FAR2: variants seen among roughly 807,000 people sequenced by gnomAD.
FAR2 encodes epididymis secretory protein Li 81.
Under a neutral mutation model 56.0 loss-of-function variants are expected in FAR2, and 19 were observed. That is an observed-to-expected ratio of 0.34 (90% CI 0.24 to 0.50). The LOEUF is 0.50. Ranked by LOEUF, FAR2 falls within the 20% of genes least tolerant of loss-of-function variation. The pLI is 0.98. For synonymous variants in FAR2, 219 were observed against 218.8 expected (o/e 1.00, Z -0.01); for missense variants, 508 against 642.2 (o/e 0.79, Z 2.26).
At chr12:29,267,270 A>G (rs1948533138) in intron 1 of FAR2, among the ~76,000 whole-genome samples, 1 of 152,246 alleles carries the variant, frequency 6.6e-6, no homozygotes, top group Non-Finnish European at 1.5e-5. Flanking sequence ...TTAAGAAGAA[A>G]AAATGTAAAA....
chr12:29,245,473 G>T (rs1320921284), intron 1 of FAR2, among the ~76,000 whole-genome samples: 2 of 152,154 alleles, frequency 1.3e-5, no homozygotes, highest in Non-Finnish European at 2.9e-5. Context: ...TCAGAATGGG[G>T]TTGGGCTTGG....
intron 11 of FAR2, 64 bp downstream of exon 11, chr12:29,332,791 A>C: frequency 6.9e-7 from 1 of 1,454,302 alleles, no homozygotes; most frequent in Non-Finnish European, 9.5e-7. Flanking sequence ...TATACCAGAC[A>C]TAACATTTGT....
In FAR2 at chr12:29,290,368, C is replaced by T. The variant is rs191490183; in HGVS notation, c.190-2932C>T. Among the ~76,000 whole-genome samples the T allele has an allele frequency of 1.1e-3, 173 of 152,000 alleles. 1 individual carries two copies. Among genetic ancestry groups the T allele is most frequent in the African/African-American group, 4.1e-3 (170 of 41,436 alleles). ...GGCTGAGGCAAGAGAATCACTTGAA[C>T]TCAGAAGGTGAAGGTTGTAGTGAGC... On this transcript the variant is annotated intron_variant, in intron 2 of 11. Transcript: ENST00000536681.
chr12:29,280,646 T>A (rs1386988010), intron 2 of FAR2: 2 of 152,222 alleles, frequency 1.3e-5, no homozygotes, highest in African/African-American at 4.8e-5. Flanking sequence ...TAGGTGTAAT[T>A]GGTAGAAGGC....
At chr12:29,317,493 C>A (rs534386943) in intron 9 of FAR2, among the ~76,000 whole-genome samples, 4 of 152,082 alleles carry the variant, frequency 2.6e-5, no homozygotes, top group Non-Finnish European at 5.9e-5. Context: ...GGATACTCGA[C>A]CTGTATAAGT....
chr12:29,294,817 A>C (rs1223819303), intron 3 of FAR2, among the ~76,000 whole-genome samples: 1 of 152,138 alleles, frequency 6.6e-6, no homozygotes. Context: ...TAGAAAGAGG[A>C]GTACGGGCCA....
intron 1 of FAR2, among the ~76,000 whole-genome samples, chr12:29,237,991 G>A (rs917812736): frequency 3.3e-5 from 5 of 152,088 alleles, no homozygotes; most frequent in African/African-American, 1.2e-4. Context: ...CATTATGCAT[G>A]GGTAAAATAT....
chr12:29,263,402 CA>C (rs1948457946), intron 1 of FAR2, among the ~76,000 whole-genome samples: 1 of 151,968 alleles, frequency 6.6e-6, no homozygotes, highest in Non-Finnish European at 1.5e-5. Flanking sequence ...TATTAGGTCA[CA>C]AAACAGGTCT....
intron 1 of FAR2, among the ~76,000 whole-genome samples, chr12:29,189,415 TCTCTGCCA>T (rs1162056076): frequency 2.6e-5 from 4 of 152,202 alleles, no homozygotes; most frequent in Non-Finnish European, 5.9e-5. Context: ...ACTATCTTAC[TCTCTGCCA>T]CTACAAGATG....
intron 1 of FAR2, among the ~76,000 whole-genome samples, chr12:29,224,243 T>C (rs1251494429): frequency 1.3e-5 from 2 of 152,114 alleles, no homozygotes; most frequent in Non-Finnish European, 2.9e-5. Flanking sequence ...GCTGAACTTT[T>C]TGGGGTTGAG....
In FAR2 at chr12:29,307,802, C is replaced by T. The variant is rs1456230196; in HGVS notation, c.690C>T (p.Ser230=). ...TGAACATTGCCATCATAAGGCCCTC[C>T]ATTGTGGGAGCAACTTGGCAGGAGC... ...RNLNIAIIRP[S]IVGATWQEPF... The change falls in exon 5 of 12, where the codon TCC becomes TCT. Residue 230 remains serine (S), a synonymous_variant. Transcript: ENST00000536681. 6.2e-7 allele frequency: 1 copy of T among 1,611,840 alleles called. No homozygotes were observed. The highest frequency in any genetic ancestry group is 8.5e-7 in the Non-Finnish European group (1 of 1,179,688).
chr12:29,248,000 G>A (rs1240095033), intron 1 of FAR2, among the ~76,000 whole-genome samples: 1 of 152,146 alleles, frequency 6.6e-6, no homozygotes, highest in African/African-American at 2.4e-5. Flanking sequence ...TCATTTGAAA[G>A]GATATCTCTA....
rs1948507244 is a variant in FAR2 at position 29,265,865 on chromosome 12, G to A, written c.-38-4547G>A. 2.6e-5 allele frequency among the ~76,000 whole-genome samples: 4 copies of A among 152,114 alleles called. No homozygotes were observed. The South Asian group carries it at 8.3e-4, about 32-fold the overall frequency. ...TAAAAATGGGTAAAAGATCAGAATA[G>A]ACATTTCCCAAAAGAAGACATACAA... On this transcript the variant is annotated intron_variant, in intron 1 of 11. Transcript: ENST00000536681.
chr12:29,311,949 G>T lies in FAR2; in HGVS notation c.954G>T (p.Met318Ile). The change falls in exon 8 of 12, where the codon ATG (methionine) becomes ATT (isoleucine). Residue 318 changes from methionine (M) to isoleucine (I), a missense_variant and splice_region_variant. Physicochemically the swap from Met to Ile is conservative, Grantham distance 10. Coordinates refer to ENST00000536681, the MANE Select transcript of FAR2 (RefSeq NM_001271783.2). ...TGAATCCCTGCAATTGGCACAAAAT[G>T]GGTAAGTACTTTAGCTATGTAACTC... The part of the protein sequence containing the change: ...GNMNPCNWHK[M>I]GVQVLATFEK... The T allele has an allele frequency of 3.1e-6, 5 of 1,606,880 alleles. No homozygotes were observed. The highest frequency in any genetic ancestry group is 4.3e-6 in the Non-Finnish European group (5 of 1,174,834).
chr12:29,170,775 T>C (rs1009092354), intron 1 of FAR2, among the ~76,000 whole-genome samples: 1 of 152,076 alleles, frequency 6.6e-6, no homozygotes, highest in African/African-American at 2.4e-5. Context: ...TCTCTCTGAC[T>C]TTCTCTTTCT....
intron 2 of FAR2, among the ~76,000 whole-genome samples, chr12:29,285,790 G>A (rs532128429): frequency 2.0e-5 from 3 of 152,026 alleles, no homozygotes; most frequent in Admixed American, 1.3e-4. Context: ...GTAGTGGCAC[G>A]TGCCTGTAGT....
In FAR2 at chr12:29,333,774, T is replaced by C. The variant is rs558758716; in HGVS notation, c.1528T>C (p.Ser510Pro). 37 of 1,613,692 alleles carry C rather than the reference T, an allele frequency of 2.3e-5. No homozygotes were observed. The highest frequency in any genetic ancestry group is 5.0e-5 in the Admixed American group (3 of 59,988). The change falls in exon 12 of 12, where the codon TCC becomes CCC. Residue 510 changes from serine (S) to proline (P), a missense_variant. Physicochemically the swap from Ser to Pro is moderately conservative, Grantham distance 74. Transcript: ENST00000536681. ...TAAATTCCTCTCCTACTTTAGAGCA[T>C]CCAGCACGCTCAAAGTTTAAGAGCA... is the stretch of plus-strand genomic sequence containing the variant. ...CYKFLSYFRA[S>P]STLKV
chr12:29,210,814 C>T (rs1007581881), intron 1 of FAR2, among the ~76,000 whole-genome samples: 11 of 151,934 alleles, frequency 7.2e-5, no homozygotes, highest in Admixed American at 3.9e-4. Flanking sequence ...TAATCGGGTG[C>T]GGTGGCATGG....
At chr12:29,190,903 A>G (rs1950098048) in intron 1 of FAR2, among the ~76,000 whole-genome samples, 1 of 152,184 alleles carries the variant, frequency 6.6e-6, no homozygotes. Context: ...ACTGGAGATG[A>G]TTCAACATTT....
Sources: gnomAD v4.1 joint callset for allele counts (sites outside exome capture counted in the v4.1 genomes callset) on GRCh38, gnomAD v4.1.1 for gene constraint, MANE v1.5 for transcripts, NCBI Gene and HGNC (gene_info 2026-07-23, HGNC 2026-07-21) for gene names.